RGS9: variants seen among roughly 807,000 people sequenced by gnomAD.
RGS9 encodes regulator of G-protein signalling 9.
RGS9 carries 78 observed loss-of-function variants against 102.0 expected under a neutral mutation model. The observed-to-expected ratio is 0.76, with a 90% CI of 0.64 to 0.92. RGS9 has a LOEUF of 0.92. Ranked by LOEUF, RGS9 falls within the 40% of genes least tolerant of loss-of-function variation. RGS9 has a pLI of 0.00. For missense variants in RGS9, 833 were observed against 866.1 expected (o/e 0.96, Z 0.48); for synonymous variants, 353 against 318.6 (o/e 1.11, Z -1.15).
chr17:65,177,703 T>C (rs763900293), intron 8 of RGS9, 29 bp from the exon 9 acceptor site: 21 of 1,605,734 alleles, frequency 1.3e-5, no homozygotes, highest in Non-Finnish European at 1.7e-5. Context: ...CTCCCTGTAA[T>C]GACCTTATGT....
At position 65,225,264 on chromosome 17, in the gene RGS9, G is replaced by T; in HGVS notation, c.1670G>T (p.Ser557Ile). Residue 557 changes from serine to isoleucine, a missense_variant, in exon 18 of 19, where the codon AGC becomes ATC. Physicochemically the swap from Ser to Ile is moderately radical, Grantham distance 142. This residue lies in a region of RGS9 where 320 missense variants were observed against 276.8 expected (regional missense o/e 1.16). Coordinates refer to ENST00000262406, the MANE Select transcript of RGS9 (RefSeq NM_003835.4). ...CGTGGGCCCTCTGTCACCGAGAGCA[G>T]CGAGGCCTCCCTCGACACCTCCTGG... ...APRGPSVTES[S>I]EASLDTSWPR... The T allele has an allele frequency of 6.2e-7, 1 of 1,609,006 alleles. No homozygotes were observed. The highest frequency in any genetic ancestry group is 8.5e-7 in the Non-Finnish European group (1 of 1,179,956).
chr17:65,152,607 G>A (rs1187391751), intron 1 of RGS9, among the ~76,000 whole-genome samples: 1 of 152,172 alleles, frequency 6.6e-6, no homozygotes, highest in Non-Finnish European at 1.5e-5. Context: ...ATAGCTCACT[G>A]TAGCCTGGAA....
At chr17:65,221,235 C>T (rs532781708) in intron 17 of RGS9, among the ~76,000 whole-genome samples, 11 of 151,848 alleles carry the variant, frequency 7.2e-5, no homozygotes, top group South Asian at 6.3e-4. Context: ...AGAGATGGAC[C>T]GAGAGAGGTA....
chr17:65,188,371 GC>G (rs1912216804), intron 9 of RGS9, among the ~76,000 whole-genome samples: 1 of 152,200 alleles, frequency 6.6e-6, no homozygotes. Flanking sequence ...AGGGGATGGG[GC>G]CTGATTCCAC....
chr17:65,225,673 C>T (rs532555181), intron 18 of RGS9, 187 bp downstream of exon 18: 18 of 733,422 alleles, frequency 2.5e-5, no homozygotes, highest in Middle Eastern at 6.9e-4. Context: ...GCTGTCCTCC[C>T]GAGGGAGAAG....
chr17:65,190,891 C>T (rs760925881), intron 11 of RGS9, among the ~76,000 whole-genome samples: 1 of 152,128 alleles, frequency 6.6e-6, no homozygotes, highest in Non-Finnish European at 1.5e-5. Context: ...CTGGGAGGCA[C>T]GATGTGACTA....
At chr17:65,223,042 T>C (rs1053440000) in intron 17 of RGS9, among the ~76,000 whole-genome samples, 9 of 152,322 alleles carry the variant, frequency 5.9e-5, no homozygotes, top group African/African-American at 2.2e-4. Context: ...TCTCTTAGTG[T>C]CCTCATCTGT....
chr17:65,215,867 C>T (rs2144119804), intron 17 of RGS9, among the ~76,000 whole-genome samples: 1 of 152,170 alleles, frequency 6.6e-6, no homozygotes, highest in African/African-American at 2.4e-5. Flanking sequence ...GGCCTTGGAG[C>T]TCTTATGTAC....
chr17:65,182,031 G>C lies in RGS9; in HGVS notation c.654+4228G>C, dbSNP rs535326788. ...TTTCACCTTCTCATACTTCTCCCCT[G>C]GTTAGAGGTGGAAGGAGGGGTTACA... On this transcript the variant is annotated intron_variant, in intron 9 of 18. Coordinates refer to ENST00000262406, the MANE Select transcript of RGS9 (RefSeq NM_003835.4). Among the ~76,000 whole-genome samples the C allele has an allele frequency of 3.3e-5, 5 of 152,234 alleles. No individual in the cohort carries two copies. The South Asian group carries it at 1.0e-3, about 32-fold the overall frequency.
intron 15 of RGS9, among the ~76,000 whole-genome samples, chr17:65,206,723 G>A (rs1349642884): frequency 1.3e-5 from 2 of 152,118 alleles, no homozygotes; most frequent in East Asian, 1.9e-4. Context: ...GTTTTCATAC[G>A]GCTTTTTAGG....
intron 16 of RGS9, among the ~76,000 whole-genome samples, chr17:65,208,573 C>T (rs554660703): frequency 1.3e-5 from 2 of 152,064 alleles, no homozygotes; most frequent in South Asian, 2.1e-4. Flanking sequence ...GGACAATGGA[C>T]GAAATAATGT....
At chr17:65,149,846 G>C (rs1246682091) in intron 1 of RGS9, among the ~76,000 whole-genome samples, 2 of 152,192 alleles carry the variant, frequency 1.3e-5, no homozygotes, top group Non-Finnish European at 2.9e-5. Flanking sequence ...GATTCAGAGA[G>C]GTTAAGTGAG....
At chr17:65,180,039 T>C (rs1325657554) in intron 9 of RGS9, 1 of 152,214 alleles carries the variant, frequency 6.6e-6, no homozygotes, top group East Asian at 1.9e-4. Flanking sequence ...TGCTGTGGAA[T>C]AAAGTATTAA....
chr17:65,177,795 G>C lies in RGS9; in HGVS notation c.646G>C (p.Val216Leu). 1 of 1,614,122 alleles carries C rather than the reference G, an allele frequency of 6.2e-7. No homozygotes were observed. The highest frequency in any genetic ancestry group is 1.1e-5 in the South Asian group (1 of 91,076). The change falls in exon 9 of 19, where the codon GTA becomes CTA. Residue 216 changes from valine (V) to leucine (L), a missense_variant. Val to Leu is a conservative substitution (Grantham distance 32). Around this residue, in one of 3 missense-constraint regions of RGS9, gnomAD observed 328 missense variants for 340.6 expected, o/e 0.96. Transcript: ENST00000262406. The part of the protein sequence containing the change: ...DRVTNPNEVK[V>L]NQKQTVVAVK... ...AGTGACCAATCCGAATGAAGTCAAG[G>C]TAAACCAGGTATGTCTCTGCTGCAT...
At chr17:65,145,515 G>A (rs941222744) in intron 1 of RGS9, among the ~76,000 whole-genome samples, 5 of 151,350 alleles carry the variant, frequency 3.3e-5, no homozygotes, top group African/African-American at 1.2e-4. Context: ...CAGCTCCTGA[G>A]TAGCTGGGAT....
intron 17 of RGS9, 125 bp downstream of exon 17, chr17:65,210,730 C>T: frequency 2.0e-6 from 3 of 1,501,416 alleles, no homozygotes; most frequent in Non-Finnish European, 2.7e-6. Context: ...GGGTCAGAGT[C>T]TAGAAGGTTC....
At chr17:65,165,658 C>A (rs1047064287) in intron 7 of RGS9, among the ~76,000 whole-genome samples, 2 of 152,102 alleles carry the variant, frequency 1.3e-5, no homozygotes, top group African/African-American at 2.4e-5. Context: ...ACTGCCCCTA[C>A]CCTGGTTGAA....
At chr17:65,182,771 C>T (rs949772515) in intron 9 of RGS9, among the ~76,000 whole-genome samples, 17 of 152,186 alleles carry the variant, frequency 1.1e-4, no homozygotes, top group African/African-American at 2.7e-4. Flanking sequence ...ACAAGGCCTA[C>T]GTCCTGCACC....
intron 17 of RGS9, among the ~76,000 whole-genome samples, chr17:65,215,278 A>G (rs899542883): frequency 1.3e-5 from 2 of 151,928 alleles, no homozygotes; most frequent in Non-Finnish European, 2.9e-5. Context: ...GATGTGGGGG[A>G]AGAAATTAAA....
Sources: gnomAD v4.1 joint callset for allele counts (sites outside exome capture counted in the v4.1 genomes callset) on GRCh38, gnomAD v4.1.1 for gene constraint, gnomAD v4.1.1 regional missense constraint, MANE v1.5 for transcripts, NCBI Gene and HGNC (gene_info 2026-07-23, HGNC 2026-07-21) for gene names.